Variants in CEMIP observed in about 807,000 individuals in gnomAD.
CEMIP encodes cell migration inducing hyaluronidase 1.
CEMIP carries 105 observed loss-of-function variants against 156.9 expected under a neutral mutation model. That is an observed-to-expected ratio of 0.67 (90% CI 0.57 to 0.79). CEMIP has a LOEUF of 0.79. Ranked by LOEUF, CEMIP falls within the 30% of genes least tolerant of loss-of-function variation. The pLI, the probability that CEMIP is intolerant of heterozygous loss-of-function variation, is 0.00. For missense variants in CEMIP, 1,457 were observed against 1,769.4 expected, an observed-to-expected ratio of 0.82 and a Z score of 3.17; for synonymous variants, 676 against 668.4, an observed-to-expected ratio of 1.01 and a Z score of -0.17.
intron 10 of CEMIP, among the ~76,000 whole-genome samples, chr15:80,894,317 C>T (rs571742282): frequency 6.6e-6 from 1 of 152,326 alleles, no homozygotes; most frequent in African/African-American, 2.4e-5. Flanking sequence ...CACCTACTGG[C>T]TTTGTGATCC....
chr15:80,837,095 G>C (rs1426966945), intron 1 of CEMIP, among the ~76,000 whole-genome samples: 1 of 152,192 alleles, frequency 6.6e-6, no homozygotes, highest in Non-Finnish European at 1.5e-5. Context: ...GTGGTCTAAG[G>C]GATGTGTCTG....
intron 19 of CEMIP, 105 bp from the exon 20 acceptor site, chr15:80,928,796 CG>C: frequency 7.3e-7 from 1 of 1,375,722 alleles, no homozygotes; most frequent in Non-Finnish European, 1.0e-6. Flanking sequence ...TTCCTCTGCA[CG>C]GTATTCAGTT....
At chr15:80,901,370 T>C (rs1432574571) in intron 12 of CEMIP, among the ~76,000 whole-genome samples, 1 of 152,164 alleles carries the variant, frequency 6.6e-6, no homozygotes, top group African/African-American at 2.4e-5. Context: ...GAGCCACATG[T>C]GGCTACTTAA....
chr15:80,902,838 G>A (rs1899627700), intron 12 of CEMIP, among the ~76,000 whole-genome samples: 1 of 152,198 alleles, frequency 6.6e-6, no homozygotes, highest in Non-Finnish European at 1.5e-5. Flanking sequence ...AGTGACAGCT[G>A]CAGGTGTCAT....
At chr15:80,930,973 C>A (rs1313573655) in intron 21 of CEMIP, among the ~76,000 whole-genome samples, 2 of 152,170 alleles carry the variant, frequency 1.3e-5, no homozygotes, top group Non-Finnish European at 2.9e-5. Context: ...ACCAGGAAGC[C>A]CAGCCAGCCT....
intron 21 of CEMIP, among the ~76,000 whole-genome samples, chr15:80,929,908 A>C (rs1900842506): frequency 6.6e-6 from 1 of 152,228 alleles, no homozygotes; most frequent in South Asian, 2.1e-4. Context: ...GGTGATGAGC[A>C]AACAGGGATA....
chr15:80,934,953 AGT>A (rs910550770), intron 23 of CEMIP, among the ~76,000 whole-genome samples: 4 of 152,194 alleles, frequency 2.6e-5, no homozygotes, highest in South Asian at 2.1e-4. Flanking sequence ...TGCTGTAGAG[AGT>A]GGAAAATGTT....
chr15:80,806,088 G>T (rs1896505946), intron 1 of CEMIP, among the ~76,000 whole-genome samples: 1 of 152,174 alleles, frequency 6.6e-6, no homozygotes, highest in Non-Finnish European at 1.5e-5. Flanking sequence ...GCAAAGACAA[G>T]GTATGTAAAA....
rs1240105864 is a variant in CEMIP, at chr15:80,866,647, G to A, written c.-175-6891G>A. Among the ~76,000 whole-genome samples the A allele has an allele frequency of 1.2e-4, 18 of 147,638 alleles. 1 individual carries two copies. Among genetic ancestry groups the A allele is most frequent in the Admixed American group, 1.1e-3 (16 of 14,800 alleles). ...AATAAATAAATAAAATAAGCCAGGTGTGGTGGCACATGCCTGTAATCCCAG... is the reference window on the plus strand; with the variant it reads ...AATAAATAAATAAAATAAGCCAGGTATGGTGGCACATGCCTGTAATCCCAG... On this transcript the variant is annotated intron_variant, in intron 1 of 29. Transcript: ENST00000394685.
intron 16 of CEMIP, 136 bp from the exon 17 acceptor site, chr15:80,921,873 G>C (rs1900485309): frequency 9.7e-7 from 1 of 1,026,014 alleles, no homozygotes; most frequent in East Asian, 2.4e-5. Context: ...GTGTGTTGGG[G>C]GTGGGCACCG....
intron 21 of CEMIP, among the ~76,000 whole-genome samples, chr15:80,931,183 A>C (rs1174601006): frequency 6.6e-6 from 1 of 152,176 alleles, no homozygotes; most frequent in Non-Finnish European, 1.5e-5. Flanking sequence ...GTTCTCTGTC[A>C]GCCTACAGTC....
At chr15:80,814,395 T>C (rs919192849) in intron 1 of CEMIP, among the ~76,000 whole-genome samples, 1 of 152,072 alleles carries the variant, frequency 6.6e-6, no homozygotes, top group Non-Finnish European at 1.5e-5. Context: ...TTGGCCACCA[T>C]CTCCAGCTCA....
At chr15:80,840,118 G>T (rs1235032514) in intron 1 of CEMIP, among the ~76,000 whole-genome samples, 1 of 152,208 alleles carries the variant, frequency 6.6e-6, no homozygotes, top group East Asian at 1.9e-4. Flanking sequence ...GGAAAGGGGG[G>T]TGTCTAAGTC....
rs750251348 is a variant in CEMIP, at chr15:80,877,053, C to T, written c.95-1668C>T. ...GGCAGTGGACAAGAGGAAATGAGAA[C>T]GAAGTGAAAGGCGATTCCCCTGATA... On this transcript the variant is annotated intron_variant, in intron 3 of 29. Coordinates refer to ENST00000394685, the MANE Select transcript of CEMIP (RefSeq NM_001293298.2). 2.6e-5 allele frequency among the ~76,000 whole-genome samples: 4 copies of T among 152,050 alleles called. No homozygotes were observed. The East Asian group carries it at 5.8e-4, about 22-fold the overall frequency.
At chr15:80,824,016 C>T (rs545250771) in intron 1 of CEMIP, among the ~76,000 whole-genome samples, 6 of 152,190 alleles carry the variant, frequency 3.9e-5, no homozygotes, top group Non-Finnish European at 7.3e-5. Context: ...GGTCAATGCA[C>T]CCCTGAATTT....
At chr15:80,917,090 A>G (rs1900301733) in intron 14 of CEMIP, among the ~76,000 whole-genome samples, 1 of 152,188 alleles carries the variant, frequency 6.6e-6, no homozygotes, top group Non-Finnish European at 1.5e-5. Context: ...ATGTAAAAAC[A>G]TTTGGTATCC....
intron 6 of CEMIP, among the ~76,000 whole-genome samples, chr15:80,882,926 G>A (rs534992880): frequency 6.6e-5 from 10 of 152,168 alleles, no homozygotes; most frequent in East Asian, 5.8e-4. Flanking sequence ...AGGAGTGGGC[G>A]GGTGAGGTGG....
chr15:80,925,480 C>A, intron 18 of CEMIP, 144 bp from the exon 19 acceptor site: 2 of 1,094,336 alleles, frequency 1.8e-6, no homozygotes, highest in Non-Finnish European at 2.6e-6. Context: ...CATTCAAGAG[C>A]CCAGGCAATG....
At chr15:80,822,174 A>G (rs1896925276) in intron 1 of CEMIP, among the ~76,000 whole-genome samples, 3 of 152,190 alleles carry the variant, frequency 2.0e-5, no homozygotes, top group South Asian at 4.1e-4. Flanking sequence ...CTTCTTGTGC[A>G]CAGCTTCCTG....
Sources: gnomAD v4.1 joint callset for allele counts (sites outside exome capture counted in the v4.1 genomes callset) on GRCh38, gnomAD v4.1.1 for gene constraint, MANE v1.5 for transcripts, NCBI Gene and HGNC (gene_info 2026-07-23, HGNC 2026-07-21) for gene names.